RASGRP3: variants seen among roughly 807,000 people sequenced by gnomAD.
RASGRP3 encodes the protein ras guanyl-releasing protein 3.
A neutral mutation model predicts 82.7 loss-of-function variants in RASGRP3; 54 were observed. The ratio of observed to expected loss-of-function variants is 0.65; its 90% CI spans 0.52 to 0.82. The LOEUF is 0.82. Among genes scored for constraint, RASGRP3 ranks in the 40% least tolerant of loss-of-function variants. RASGRP3 has a pLI of 0.00. For synonymous variants in RASGRP3, 309 were observed against 300.5 expected (o/e 1.03, Z -0.29); for missense variants, 861 against 828.9 (o/e 1.04, Z -0.48).
Position 33,507,399 on chromosome 2 carries a change from A to G in RASGRP3, c.-260-4311A>G, listed in dbSNP as rs1670484147. ...GACAGAGCAAGACTCGGTTAATGAG[A>G]GCACTGGAGAGTGTGAGTGGTGGGG... On this transcript the variant is annotated intron_variant, in intron 1 of 17. Transcript: ENST00000403687. Among the ~76,000 whole-genome samples, 6 of 152,266 alleles carry G rather than the reference A, an allele frequency of 3.9e-5. No homozygotes were observed. In the South Asian group the frequency reaches 1.2e-3, roughly 32 times the overall value.
intron 3 of RASGRP3, 91 bp downstream of exon 3, chr2:33,515,297 C>A: frequency 7.4e-7 from 1 of 1,357,658 alleles, no homozygotes; most frequent in South Asian, 1.2e-5. Flanking sequence ...GAACAGAGTT[C>A]AGTCTCTGTA....
chr2:33,524,544 C>G lies in RASGRP3; in HGVS notation c.803C>G (p.Thr268Arg), dbSNP rs1275697879. The change falls in exon 9 of 18, where the codon ACA becomes AGA. Residue 268 changes from threonine to arginine, a missense_variant. Physicochemically the swap from Thr to Arg is moderately conservative, Grantham distance 71 (BLOSUM62 -1). Transcript: ENST00000403687. ...ETHSHLSSEV[T>R]KNWNEMTELV... ...CATTCTCATCTTTCTTCAGAAGTTA[C>G]AAAGGTATAGTAGACTTGATCCTAA... is the stretch of plus-strand genomic sequence containing the variant. The G allele has an allele frequency of 6.3e-7, 1 of 1,579,892 alleles. No homozygotes were observed. Among genetic ancestry groups the G allele is most frequent in the East Asian group, 2.3e-5 (1 of 44,204 alleles).
intron 2 of RASGRP3, among the ~76,000 whole-genome samples, chr2:33,460,787 T>A (rs937716280): frequency 1.3e-5 from 2 of 152,126 alleles, no homozygotes; most frequent in East Asian, 3.8e-4. Flanking sequence ...AGTGCTAGGA[T>A]TATGGACGTG....
chr2:33,557,717 A>T (rs1323313326), intron 15 of RASGRP3, among the ~76,000 whole-genome samples: 1 of 151,932 alleles, frequency 6.6e-6, no homozygotes, highest in Non-Finnish European at 1.5e-5. Context: ...CTCGAAAAAA[A>T]AAAAAAAAAT....
At position 33,563,032 on chromosome 2, in the gene RASGRP3, G is replaced by A. The variant is rs543200621; in HGVS notation, c.*295G>A. 48 of 401,806 alleles carry A rather than the reference G, an allele frequency of 1.2e-4. No homozygotes were observed. The highest frequency in any genetic ancestry group is 6.2e-4 in the African/African-American group (30 of 48,590). 24.9% of individuals were successfully genotyped at this position (401,806 alleles called of 1,614,324 possible). On this transcript the variant is annotated 3_prime_UTR_variant, in exon 18 of 18. Coordinates refer to ENST00000403687, the MANE Select transcript of RASGRP3 (RefSeq NM_001139488.2). ...ATCTTTCTCTAGACCATTTATATAC[G>A]GGTGAAATGAAAGCTTTTTTGCATG...
In RASGRP3 at chr2:33,559,024, T is replaced by A; in HGVS notation, c.2058T>A (p.Asp686Glu). The A allele has an allele frequency of 6.2e-7, 1 of 1,603,804 alleles. No individual in the cohort carries two copies. The highest frequency in any genetic ancestry group is 1.3e-5 in the African/African-American group (1 of 74,570). The part of the protein sequence containing the change: ...DQDEGEETRQ[D>E]GEDG ...ATGAAGGAGAAGAGACCAGACAGGA[T>A]GGTGAGGTAAGTGCTAGGTCAACCC... Residue 686 changes from aspartate to glutamate, a missense_variant, in exon 17 of 18, where the codon GAT becomes GAA. By Grantham distance (45) the Asp-to-Glu change is conservative. Transcript: ENST00000403687.
chr2:33,468,772 G>A (rs1359197722), intron 2 of RASGRP3, among the ~76,000 whole-genome samples: 3 of 151,992 alleles, frequency 2.0e-5, no homozygotes, highest in Admixed American at 1.3e-4. Flanking sequence ...ACTACTTTTG[G>A]CACCTAGATG....
intron 1 of RASGRP3, among the ~76,000 whole-genome samples, chr2:33,484,822 A>T (rs79880849): frequency 5.3e-5 from 8 of 152,206 alleles, no homozygotes; most frequent in African/African-American, 1.9e-4. Context: ...CCAGTGAGTA[A>T]GAGTCTAGTC....
upstream of RASGRP3, among the ~76,000 whole-genome samples, chr2:33,472,390 G>C (rs1276622608): frequency 6.6e-6 from 1 of 152,194 alleles, no homozygotes; most frequent in Non-Finnish European, 1.5e-5. Context: ...ATGGCCCGGA[G>C]GGGCTTTCAG....
intron 1 of RASGRP3, among the ~76,000 whole-genome samples, chr2:33,445,614 T>A (rs990054825): frequency 1.3e-5 from 2 of 152,048 alleles, no homozygotes; most frequent in African/African-American, 2.4e-5. Context: ...TTACAATGTA[T>A]TTATAATATA....
rs148747304 is a variant in RASGRP3 at position 33,458,312 on chromosome 2, T to A, written c.-261+10369T>A. ...AGAATGCTTTGGCAATGTGAATAAT[T>A]TTCCCTTAATTTATATTGAATATAA... On this transcript the variant is annotated intron_variant, in intron 2 of 18. Coordinates refer to the RASGRP3 transcript ENST00000402538. Among the ~76,000 whole-genome samples, 1,425 of 152,262 alleles carry A rather than the reference T, an allele frequency of 9.4e-3. 20 individuals carry two copies. Among genetic ancestry groups the A allele is most frequent in the African/African-American group, 0.033 (1,390 of 41,540 alleles).
At chr2:33,447,475 A>C (rs1393468623) in intron 1 of RASGRP3, among the ~76,000 whole-genome samples, 1 of 150,596 alleles carries the variant, frequency 6.6e-6, no homozygotes, top group East Asian at 1.9e-4. Flanking sequence ...TCACTTGGTC[A>C]CCCAGGCTGG....
intron 14 of RASGRP3, 38 bp from the exon 15 acceptor site, chr2:33,555,493 C>G (rs768394545): frequency 7.1e-6 from 11 of 1,556,554 alleles, no homozygotes; most frequent in Non-Finnish European, 9.7e-6. Context: ...CCAGATCTAT[C>G]CTCAGATTCC....
intron 1 of RASGRP3, among the ~76,000 whole-genome samples, chr2:33,491,399 A>C (rs146629345): frequency 1.3e-5 from 2 of 152,226 alleles, no homozygotes; most frequent in African/African-American, 4.8e-5. Flanking sequence ...ATAACTGCTT[A>C]CTGGTTGATG....
intron 2 of RASGRP3, among the ~76,000 whole-genome samples, chr2:33,461,051 C>G (rs1177670484): frequency 6.6e-6 from 1 of 152,212 alleles, no homozygotes; most frequent in Non-Finnish European, 1.5e-5. Flanking sequence ...TTATTTCCAT[C>G]AACCAAGAAG....
rs1364451456 is a variant in RASGRP3 at position 33,558,866 on chromosome 2, C to G, written c.1900C>G (p.Pro634Ala). The stretch of plus-strand genomic sequence containing the variant: ...GGGGGACTCGGGGTCCCACACCTTC[C>G]CTAAAATGAAATCCAAGTTCCATGA... ...GWGDSGSHTF[P>A]KMKSKFHDKA... Residue 634 changes from proline (P) to alanine (A), a missense_variant, in exon 17 of 18, where the codon CCT (proline) becomes GCT (alanine). Pro to Ala is a conservative substitution (Grantham distance 27, BLOSUM62 -1). Transcript: ENST00000403687. The G allele has an allele frequency of 3.7e-6, 6 of 1,613,832 alleles. No homozygotes were observed. The highest frequency in any genetic ancestry group is 1.3e-5 in the African/African-American group (1 of 74,884).
intron 2 of RASGRP3, among the ~76,000 whole-genome samples, chr2:33,465,464 A>T (rs1447776697): frequency 1.3e-5 from 2 of 152,218 alleles, no homozygotes; most frequent in Admixed American, 6.5e-5. Flanking sequence ...TTGAGGCTAC[A>T]GTGAGCTATG....
chr2:33,490,531 C>T (rs1359242373), intron 1 of RASGRP3, among the ~76,000 whole-genome samples: 1 of 152,152 alleles, frequency 6.6e-6, no homozygotes, highest in Non-Finnish European at 1.5e-5. Flanking sequence ...CCATTCTATC[C>T]CTGGCCTCAT....
At chr2:33,541,657 A>G (rs1385400959) in intron 12 of RASGRP3, among the ~76,000 whole-genome samples, 1 of 147,178 alleles carries the variant, frequency 6.8e-6, no homozygotes, top group Non-Finnish European at 1.5e-5. Flanking sequence ...CCATGGATGT[A>G]TTGACCATTT....
Sources: gnomAD v4.1 joint callset for allele counts (sites outside exome capture counted in the v4.1 genomes callset) on GRCh38, gnomAD v4.1.1 for gene constraint, MANE v1.5 for transcripts, NCBI Gene and HGNC (gene_info 2026-07-23, HGNC 2026-07-21) for gene names.